CSMD3: variants seen among roughly 807,000 people sequenced by gnomAD.
CSMD3 encodes the protein CUB and Sushi multiple domains 3.
In CSMD3, 177 loss-of-function variants were observed where a neutral mutation model predicts 435.2. The observed-to-expected ratio is 0.41, with a 90% CI of 0.36 to 0.46. CSMD3 has a LOEUF of 0.46. Among genes scored for constraint, CSMD3 ranks in the 20% least tolerant of loss-of-function variants. CSMD3 has a pLI of 0.34. For missense variants in CSMD3, 4,265 were observed against 4,504.6 expected (o/e 0.95, Z 1.52); for synonymous variants, 1,656 against 1,520.5 (o/e 1.09, Z -2.07).
chr8:112,816,751 C>T (rs2432743), intron 12 of CSMD3, among the ~76,000 whole-genome samples: 145,728 of 152,014 alleles, frequency 0.96, 69,889 homozygotes, highest in East Asian at 1. Context: ...ACAAGCCTAA[C>T]AGAAAACAGA....
intron 13 of CSMD3, among the ~76,000 whole-genome samples, chr8:112,703,197 G>A (rs1447766192): frequency 6.6e-6 from 1 of 152,148 alleles, no homozygotes; most frequent in African/African-American, 2.4e-5. Context: ...GAAACAAAGT[G>A]AGGATCCATC....
intron 3 of CSMD3, among the ~76,000 whole-genome samples, chr8:113,199,435 T>C (rs2092694351): frequency 6.6e-6 from 1 of 151,826 alleles, no homozygotes. Flanking sequence ...GCATGACTAT[T>C]TTTAAATAAG....
intron 11 of CSMD3, among the ~76,000 whole-genome samples, chr8:112,837,194 TC>T (rs1276600020): frequency 6.6e-6 from 1 of 151,834 alleles, no homozygotes; most frequent in African/African-American, 2.4e-5. Flanking sequence ...TGATACAAGT[TC>T]TTTTGTATTT....
At chr8:112,865,826 G>C (rs557453466) in intron 10 of CSMD3, among the ~76,000 whole-genome samples, 1 of 152,048 alleles carries the variant, frequency 6.6e-6, no homozygotes, top group African/African-American at 2.4e-5. Flanking sequence ...ACATAAAATT[G>C]TGCCTGCCAC....
chr8:113,272,252 T>A (rs1006557667), intron 3 of CSMD3, among the ~76,000 whole-genome samples: 2 of 152,066 alleles, frequency 1.3e-5, no homozygotes, highest in Non-Finnish European at 2.9e-5. Flanking sequence ...TTTTGAAATA[T>A]GAGGATGTGA....
At chr8:112,784,972 T>G (rs2078499649) in intron 13 of CSMD3, among the ~76,000 whole-genome samples, 1 of 151,866 alleles carries the variant, frequency 6.6e-6, no homozygotes, top group African/African-American at 2.4e-5. Flanking sequence ...AAGAAAGCTA[T>G]AGGCCAATAT....
intron 30 of CSMD3, among the ~76,000 whole-genome samples, chr8:112,497,136 C>G (rs966071017): frequency 2.0e-4 from 30 of 151,832 alleles, no homozygotes; most frequent in African/African-American, 7.2e-4. Flanking sequence ...CGTGTTTTTA[C>G]TTATTTGTGG....
At chr8:113,193,652 GT>G (rs2092615851) in intron 3 of CSMD3, among the ~76,000 whole-genome samples, 1 of 151,416 alleles carries the variant, frequency 6.6e-6, no homozygotes. Context: ...TAGACCACGT[GT>G]TTCCTCTTTT....
intron 3 of CSMD3, among the ~76,000 whole-genome samples, chr8:113,220,787 G>T (rs2092957565): frequency 6.6e-6 from 1 of 151,210 alleles, no homozygotes. Flanking sequence ...TATACAGTGG[G>T]GAAAATTGAC....
Position 112,287,231 on chromosome 8 carries a change from G to A in CSMD3, c.9164C>T (p.Thr3055Ile), listed in dbSNP as rs1819295406. 1 of 1,613,520 alleles carries A rather than the reference G, an allele frequency of 6.2e-7. No homozygotes were observed. Among genetic ancestry groups the A allele is most frequent in the Non-Finnish European group, 8.5e-7 (1 of 1,179,698 alleles). ...GCCGGGAGTACCTGGATCGCCACATGTCCCAGTAGCATCACCTGCAATGCA... is the reference window on the plus strand; with the variant it reads ...GCCGGGAGTACCTGGATCGCCACATATCCCAGTAGCATCACCTGCAATGCA... Reference protein sequence around the residue: ...QPHCSGDATGTCGDPGTPGHG... With the variant: ...QPHCSGDATGICGDPGTPGHG... Residue 3055 changes from threonine to isoleucine, a missense_variant, in exon 58 of 71, where the codon ACA (threonine) becomes ATA (isoleucine). Thr to Ile is a moderately conservative substitution (Grantham distance 89). This residue lies in a region of CSMD3 where 3,255 missense variants were observed against 3,380.2 expected (regional missense o/e 0.96). Coordinates refer to ENST00000297405, the MANE Select transcript of CSMD3 (RefSeq NM_198123.2).
chr8:113,154,197 C>G (rs1158929187), intron 4 of CSMD3, among the ~76,000 whole-genome samples: 1 of 151,830 alleles, frequency 6.6e-6, no homozygotes, highest in Non-Finnish European at 1.5e-5. Flanking sequence ...CCTACAAAAC[C>G]AAATACTTAC....
At chr8:112,726,965 T>C (rs2076979273) in intron 13 of CSMD3, among the ~76,000 whole-genome samples, 1 of 151,740 alleles carries the variant, frequency 6.6e-6, no homozygotes, top group Non-Finnish European at 1.5e-5. Flanking sequence ...TCAATATAGT[T>C]CATGACCAAG....
chr8:113,036,939 C>T (rs2087380470), intron 5 of CSMD3, among the ~76,000 whole-genome samples: 1 of 151,978 alleles, frequency 6.6e-6, no homozygotes, highest in South Asian at 2.1e-4. Flanking sequence ...ATATATTTTG[C>T]AGGTTGATAT....
At chr8:113,421,084 G>T (rs981727997) in intron 1 of CSMD3, among the ~76,000 whole-genome samples, 2 of 151,480 alleles carry the variant, frequency 1.3e-5, no homozygotes, top group Admixed American at 6.6e-5. Flanking sequence ...AAAACACGAA[G>T]AATACATAAG....
intron 50 of CSMD3, 60 bp from the exon 51 acceptor site, chr8:112,306,252 T>C (rs2130789472): frequency 7.8e-7 from 1 of 1,285,506 alleles, no homozygotes; most frequent in Non-Finnish European, 1.1e-6. Flanking sequence ...ATTTATTAGG[T>C]AACTCTGCTG....
chr8:112,433,728 T>G (rs1814008143), intron 32 of CSMD3, among the ~76,000 whole-genome samples: 1 of 151,664 alleles, frequency 6.6e-6, no homozygotes, highest in Non-Finnish European at 1.5e-5. Context: ...CAAACCTATT[T>G]GAAAAATAAT....
intron 3 of CSMD3, among the ~76,000 whole-genome samples, chr8:113,230,583 C>T (rs995065160): frequency 5.3e-5 from 8 of 151,426 alleles, no homozygotes; most frequent in Non-Finnish European, 1.2e-4. Flanking sequence ...TTATACCCTC[C>T]CACTTACAGA....
intron 17 of CSMD3, among the ~76,000 whole-genome samples, chr8:112,663,754 A>G (rs1304141272): frequency 2.0e-5 from 3 of 152,108 alleles, no homozygotes; most frequent in African/African-American, 7.2e-5. Context: ...TTCAATCTTA[A>G]ATGACTCTGG....
intron 3 of CSMD3, among the ~76,000 whole-genome samples, chr8:113,260,094 C>A (rs1588392631): frequency 6.6e-6 from 1 of 152,246 alleles, no homozygotes; most frequent in African/African-American, 2.4e-5. Flanking sequence ...TTGTAAGTTT[C>A]CAGAGCCCTC....
Sources: allele counts gnomAD v4.1 joint callset (sites outside exome capture counted in the v4.1 genomes callset), GRCh38; gene constraint gnomAD v4.1.1; regional missense constraint gnomAD v4.1.1; transcripts MANE v1.5; gene names NCBI Gene and HGNC (gene_info 2026-07-23, HGNC 2026-07-21).